Variants in DIPK2B observed in about 807,000 individuals in gnomAD.
The protein encoded by DIPK2B is divergent protein kinase domain 2B.
DIPK2B carries 15 observed loss-of-function variants against 22.2 expected under a neutral mutation model. That is an observed-to-expected ratio of 0.68 (90% CI 0.45 to 1.04). The LOEUF is 1.04. DIPK2B is among the 50% of genes least tolerant of loss of function. The pLI, the probability that DIPK2B is intolerant of heterozygous loss-of-function variation, is 0.00. For synonymous variants in DIPK2B, 163 were observed against 153.2 expected (o/e 1.06, Z -0.47); for missense variants, 345 against 348.3 (o/e 0.99, Z 0.08).
intron 2 of DIPK2B, among the ~76,000 whole-genome samples, chrX:45,190,876 C>A (rs1169261607): frequency 8.9e-6 from 1 of 112,298 alleles, no homozygotes; most frequent in African/African-American, 3.2e-5. Context: ...ACTGTTATTA[C>A]GGAAGTATCT....
intron 1 of DIPK2B, among the ~76,000 whole-genome samples, chrX:45,200,018 C>T (rs190139014): frequency 5.3e-5 from 6 of 112,356 alleles, no homozygotes; most frequent in East Asian, 2.8e-4. Flanking sequence ...ACAGCTGCTA[C>T]TTATTCGGTG....
At chrX:45,173,593 TC>T (rs1395329430) in intron 2 of DIPK2B, among the ~76,000 whole-genome samples, 1 of 108,701 alleles carries the variant, frequency 9.2e-6, no homozygotes, top group East Asian at 2.9e-4. Context: ...TCTCTTTCTT[TC>T]TTTTTTTTTT....
intron 1 of DIPK2B, among the ~76,000 whole-genome samples, chrX:45,194,768 G>A (rs927879387): frequency 2.7e-5 from 3 of 112,311 alleles, no homozygotes; most frequent in African/African-American, 9.7e-5. Flanking sequence ...AGATAAAATT[G>A]AAAGCAGAAT....
In DIPK2B at chrX:45,152,977, A is replaced by G. The variant is rs138368616; in HGVS notation, c.961+933T>C. On this transcript the variant is annotated intron_variant, in intron 4 of 4. Transcript: ENST00000398000. ...AAACAAAATAAAATGCAAAGTTAGGAGAAAAAACAAGTAATCCCAAATATG... is the reference window on the plus strand; with the variant it reads ...AAACAAAATAAAATGCAAAGTTAGGGGAAAAAACAAGTAATCCCAAATATG... 4.4e-4 allele frequency among the ~76,000 whole-genome samples: 49 copies of G among 112,070 alleles called. No individual in the cohort carries two copies. In the East Asian group the frequency reaches 0.014, roughly 31 times the overall value.
At chrX:45,161,322 C>A (rs1242645605) in intron 2 of DIPK2B, among the ~76,000 whole-genome samples, 2 of 112,254 alleles carry the variant, frequency 1.8e-5, no homozygotes, top group Non-Finnish European at 3.8e-5. Flanking sequence ...TAGGCAGATC[C>A]CTTGAGTACA....
At chrX:45,188,855 C>CT (rs1186156065) in intron 2 of DIPK2B, among the ~76,000 whole-genome samples, 5 of 109,924 alleles carry the variant, frequency 4.5e-5, no homozygotes, top group South Asian at 3.8e-4. Flanking sequence ...TTGTGTTTGG[C>CT]TTTTTTTTTC....
In DIPK2B at chrX:45,154,193, G is replaced by A. The variant is rs1199607414; in HGVS notation, c.678C>T (p.Phe226=). 8.4e-7 allele frequency: 1 copy of A among 1,196,876 alleles called. No homozygotes were observed. ...VNSHPILLQI[F]PGAEGWPLPK... ...GCAGCGGCCATCCCTCAGCCCCAGG[G>A]AAGATCTGCCAAGCCAGAAGGAGGA... The change falls in exon 4 of 5, where the codon TTC becomes TTT. Residue 226 remains phenylalanine, a synonymous_variant. Transcript: ENST00000398000.
At chrX:45,177,517 C>G (rs1187999444) in intron 2 of DIPK2B, among the ~76,000 whole-genome samples, 2 of 109,642 alleles carry the variant, frequency 1.8e-5, no homozygotes, top group East Asian at 5.8e-4. Context: ...TGCTCCCTCT[C>G]TCTCCATGTG....
chrX:45,170,307 T>C (rs2047073982), intron 2 of DIPK2B, among the ~76,000 whole-genome samples: 1 of 107,860 alleles, frequency 9.3e-6, no homozygotes, highest in Non-Finnish European at 1.9e-5. Context: ...CCCCAGCCCA[T>C]GGCCTCCAGC....
chrX:45,167,245 C>T (rs780562776), intron 2 of DIPK2B, among the ~76,000 whole-genome samples: 81 of 111,160 alleles, frequency 7.3e-4, no homozygotes, highest in Non-Finnish European at 1.3e-3. Flanking sequence ...ATTCCCAGCA[C>T]TTTGGGAGGC....
At position 45,157,768 on chromosome X, in the gene DIPK2B, T is replaced by C; in HGVS notation, c.619A>G (p.Lys207Glu). The change falls in exon 3 of 5, where the codon AAG becomes GAG. Residue 207 changes from lysine to glutamate, a missense_variant. By Grantham distance (56) the Lys-to-Glu change is moderately conservative (BLOSUM62 1). Coordinates refer to ENST00000398000, the MANE Select transcript of DIPK2B (RefSeq NM_176819.4). ...GCCAGCGTGTAGAGCAGGCGCAGCT[T>C]GTCACGGTCGGTGAAGTGGTCCATG... ...IFMDHFTDRD[K>E]LRLLYTLAVN... 8.4e-7 allele frequency: 1 copy of C among 1,195,899 alleles called. No individual in the cohort carries two copies. Among genetic ancestry groups the C allele is most frequent in the Non-Finnish European group, 1.1e-6 (1 of 888,298 alleles).
chrX:45,189,199 G>A (rs865954060), intron 2 of DIPK2B, among the ~76,000 whole-genome samples: 26 of 112,745 alleles, frequency 2.3e-4, no homozygotes, highest in South Asian at 1.1e-3. Context: ...ATCCCACATA[G>A]AAGTTTTTGT....
intron 4 of DIPK2B, 132 bp downstream of exon 4, chrX:45,153,773 TCCGAA>T (rs2148332624): frequency 2.1e-6 from 1 of 483,335 alleles, no homozygotes; most frequent in South Asian, 3.3e-5. Flanking sequence ...TCTAATATTC[TCCGAA>T]CTTGAGTGGC....
intron 2 of DIPK2B, among the ~76,000 whole-genome samples, chrX:45,168,469 G>T (rs747157629): frequency 8.9e-6 from 1 of 112,612 alleles, no homozygotes; most frequent in Admixed American, 9.3e-5. Context: ...CAGAAAGCCT[G>T]TCTCGTAGGC....
chrX:45,177,778 G>A (rs10854922), intron 2 of DIPK2B, among the ~76,000 whole-genome samples: 21,599 of 110,707 alleles, frequency 0.2, 2,199 homozygotes, highest in Non-Finnish European at 0.31. Flanking sequence ...AAAAATTTCA[G>A]GGACTCTAAA....
chrX:45,154,019 G>A lies in DIPK2B; in HGVS notation c.852C>T (p.Asn284=), dbSNP rs1342590429. ...VLESLRSNDL[N]YFFYFTHIDA... ...CAATGTGGGTGAAGTAGAAGAAATA[G>A]TTCAAATCGTTGCTCCTCAAAGACT... Residue 284 remains asparagine, a synonymous_variant, in exon 4 of 5, where the codon AAC becomes AAT. Transcript: ENST00000398000. The A allele has an allele frequency of 8.3e-7, 1 of 1,211,045 alleles. No individual in the cohort carries two copies. Among genetic ancestry groups the A allele is most frequent in the African/African-American group, 1.7e-5 (1 of 57,554 alleles).
chrX:45,198,171 A>C (rs1455357766), intron 1 of DIPK2B, among the ~76,000 whole-genome samples: 1 of 111,324 alleles, frequency 9.0e-6, no homozygotes, highest in Non-Finnish European at 1.9e-5. Context: ...CTTAATTCAC[A>C]CTTAGAAAAA....
At chrX:45,174,858 G>A (rs898907956) in intron 2 of DIPK2B, among the ~76,000 whole-genome samples, 5 of 111,616 alleles carry the variant, frequency 4.5e-5, no homozygotes, top group African/African-American at 1.6e-4. Flanking sequence ...AAATCTCTTT[G>A]GAGGGAGTTA....
intron 3 of DIPK2B, 82 bp from the exon 4 acceptor site, chrX:45,154,280 T>TATCTATCTATC (rs1491365583): frequency 1.0e-5 from 3 of 287,043 alleles, no homozygotes; most frequent in Non-Finnish European, 1.7e-5. Context: ...TCTATCTCCC[T>TATCTATCTATC]ATCTATCTAT....
Sources: allele counts gnomAD v4.1 joint callset (sites outside exome capture counted in the v4.1 genomes callset), GRCh38; gene constraint gnomAD v4.1.1; transcripts MANE v1.5; gene names NCBI Gene and HGNC (gene_info 2026-07-23, HGNC 2026-07-21).